The following MYO1E variants were observed in gnomAD, a reference collection of about 807,000 sequenced individuals.
MYO1E encodes the protein myosin IE.
In MYO1E, 68 loss-of-function variants were observed where a neutral mutation model predicts 151.1. That is an observed-to-expected ratio of 0.45 (90% confidence interval 0.37 to 0.55). MYO1E has a LOEUF of 0.55. MYO1E is among the 20% of genes least tolerant of loss of function. The pLI is 0.00. For missense variants in MYO1E, 1,363 were observed against 1,389.3 expected (o/e 0.98, Z 0.30); for synonymous variants, 601 against 501.7 (o/e 1.20, Z -2.64).
intron 17 of MYO1E, among the ~76,000 whole-genome samples, chr15:59,193,628 C>A (rs1167886345): frequency 6.6e-6 from 1 of 152,102 alleles, no homozygotes; most frequent in Non-Finnish European, 1.5e-5. Context: ...CGACGGTCAC[C>A]TCGAACTAAC....
At chr15:59,365,684 G>A (rs547516890) in intron 1 of MYO1E, among the ~76,000 whole-genome samples, 13 of 152,254 alleles carry the variant, frequency 8.5e-5, no homozygotes, top group South Asian at 8.3e-4. Flanking sequence ...ATAATGTAAC[G>A]TATGACCATA....
At chr15:59,251,567 T>C (rs1467542474) in intron 4 of MYO1E, among the ~76,000 whole-genome samples, 2 of 152,222 alleles carry the variant, frequency 1.3e-5, no homozygotes, top group African/African-American at 4.8e-5. Flanking sequence ...TGAGTTATGA[T>C]AATGGTCTTC....
chr15:59,155,960 C>A (rs1266937704), intron 25 of MYO1E, among the ~76,000 whole-genome samples: 1 of 152,142 alleles, frequency 6.6e-6, no homozygotes, highest in African/African-American at 2.4e-5. Context: ...ACCTCTGCCT[C>A]CCCGGCTCAA....
intron 1 of MYO1E, among the ~76,000 whole-genome samples, chr15:59,316,541 G>A (rs2140414137): frequency 6.6e-6 from 1 of 152,340 alleles, no homozygotes; most frequent in East Asian, 1.9e-4. Flanking sequence ...ATAAAAGCCA[G>A]AAAGAATTCT....
intron 7 of MYO1E, among the ~76,000 whole-genome samples, chr15:59,226,710 G>A (rs1191624519): frequency 1.3e-5 from 2 of 152,210 alleles, no homozygotes; most frequent in Admixed American, 6.5e-5. Flanking sequence ...GGGAGGGTGA[G>A]GCAGGGGGAT....
At chr15:59,300,165 A>G (rs1449868833) in intron 1 of MYO1E, among the ~76,000 whole-genome samples, 1 of 152,116 alleles carries the variant, frequency 6.6e-6, no homozygotes. Flanking sequence ...GTCCTCTTGA[A>G]TCTCTTCTAG....
At chr15:59,258,949 C>T (rs750252188) in intron 3 of MYO1E, among the ~76,000 whole-genome samples, 9 of 151,332 alleles carry the variant, frequency 5.9e-5, no homozygotes, top group Non-Finnish European at 1.2e-4. Flanking sequence ...CAATTCCCCT[C>T]TCTTGTTTTT....
At position 59,137,160 on chromosome 15, in the gene MYO1E, G is replaced by A; in HGVS notation, c.*220C>T. On this transcript the variant is annotated 3_prime_UTR_variant, in exon 28 of 28. Transcript: ENST00000288235. ...AATGCATGGTGGTTTTGTCCTCCTG[G>A]GTTCCTATGAAGAGGCTACCTTTTA... is the stretch of plus-strand genomic sequence containing the variant. 1 of 582,262 alleles carries A rather than the reference G, an allele frequency of 1.7e-6. No individual in the cohort carries two copies. Among genetic ancestry groups the A allele is most frequent in the Non-Finnish European group, 3.1e-6 (1 of 325,202 alleles). The allele number at this position is 582,262 out of a possible 1,614,324, so 36.1% of individuals were successfully genotyped here.
chr15:59,217,750 A>T, intron 10 of MYO1E, 141 bp downstream of exon 10: 1 of 953,986 alleles, frequency 1.0e-6, no homozygotes, highest in Non-Finnish European at 1.7e-6. Context: ...CTGGTCTCAA[A>T]CTCCTGGGCT....
At chr15:59,279,406 G>A (rs1170491495) in intron 1 of MYO1E, among the ~76,000 whole-genome samples, 1 of 152,160 alleles carries the variant, frequency 6.6e-6, no homozygotes, top group Non-Finnish European at 1.5e-5. Context: ...AAAGCTGGAG[G>A]AAGGCACATA....
chr15:59,364,582 T>C (rs1426354110), intron 1 of MYO1E, among the ~76,000 whole-genome samples: 2 of 152,154 alleles, frequency 1.3e-5, no homozygotes, highest in African/African-American at 4.8e-5. Context: ...ACACAAATTG[T>C]ATATTTGCCC....
intron 5 of MYO1E, among the ~76,000 whole-genome samples, chr15:59,235,621 A>G (rs1189364145): frequency 3.9e-5 from 6 of 152,210 alleles, no homozygotes; most frequent in African/African-American, 7.2e-5. Context: ...GCATTACCAA[A>G]ATTGACAGAA....
intron 13 of MYO1E, 69 bp downstream of exon 13, chr15:59,210,445 C>G (rs1311171830): frequency 9.0e-7 from 1 of 1,117,038 alleles, no homozygotes; most frequent in Non-Finnish European, 1.4e-6. Context: ...AAAACAATGA[C>G]ACAGAGAATA....
intron 18 of MYO1E, among the ~76,000 whole-genome samples, chr15:59,180,450 T>A (rs1372665341): frequency 1.3e-5 from 2 of 152,148 alleles, no homozygotes; most frequent in Non-Finnish European, 2.9e-5. Context: ...TGATCTAACC[T>A]AAAATTATAA....
At chr15:59,280,573 G>C (rs1350062163) in intron 1 of MYO1E, among the ~76,000 whole-genome samples, 1 of 147,790 alleles carries the variant, frequency 6.8e-6, no homozygotes, top group Non-Finnish European at 1.5e-5. Flanking sequence ...AGTGAGCTGA[G>C]ATCGCGCCAT....
intron 2 of MYO1E, among the ~76,000 whole-genome samples, chr15:59,267,271 T>G (rs1041022234): frequency 6.6e-6 from 1 of 151,388 alleles, no homozygotes; most frequent in African/African-American, 2.4e-5. Flanking sequence ...ATGATCCACC[T>G]GCCTCAGCCT....
At chr15:59,269,595 C>T (rs962830724) in intron 2 of MYO1E, among the ~76,000 whole-genome samples, 11 of 152,216 alleles carry the variant, frequency 7.2e-5, no homozygotes, top group Admixed American at 4.6e-4. Flanking sequence ...CAGTGGCTCA[C>T]GCCTGTAATC....
At chr15:59,313,988 C>G (rs2140412577) in intron 1 of MYO1E, among the ~76,000 whole-genome samples, 1 of 152,358 alleles carries the variant, frequency 6.6e-6, no homozygotes, top group East Asian at 1.9e-4. Flanking sequence ...CTCCTGCCAG[C>G]TAAACCTGCT....
intron 4 of MYO1E, among the ~76,000 whole-genome samples, chr15:59,250,349 G>T (rs1011213861): frequency 6.6e-6 from 1 of 152,182 alleles, no homozygotes; most frequent in Non-Finnish European, 1.5e-5. Flanking sequence ...CAGGCGGTGC[G>T]TGATCGAGGC....
Sources: allele counts gnomAD v4.1 joint callset (sites outside exome capture counted in the v4.1 genomes callset), GRCh38; gene constraint gnomAD v4.1.1; transcripts MANE v1.5; gene names NCBI Gene and HGNC (gene_info 2026-07-23, HGNC 2026-07-21).